Variants in GRID2IP observed in about 807,000 individuals in gnomAD.
The protein encoded by GRID2IP is Grid2 interacting protein, also known as delphilin.
In GRID2IP, 78 loss-of-function variants were observed where a neutral mutation model predicts 114.3. That is an observed-to-expected ratio of 0.68 (90% CI 0.57 to 0.82). GRID2IP has a LOEUF of 0.82. Ranked by LOEUF, GRID2IP falls within the 40% of genes least tolerant of loss-of-function variation. GRID2IP has a pLI of 0.00. For synonymous variants in GRID2IP, 809 were observed against 724.0 expected (o/e 1.12, Z -1.89); for missense variants, 1,727 against 1,678.5 (o/e 1.03, Z -0.51).
At chr7:6,539,327 A>G (rs1299038493) in intron 2 of GRID2IP, among the ~76,000 whole-genome samples, 1 of 151,930 alleles carries the variant, frequency 6.6e-6, no homozygotes, top group Non-Finnish European at 1.5e-5. Context: ...GGGTCTTTCT[A>G]TGTTGCGTGG....
rs995948351 is a variant in GRID2IP, at chr7:6,497,702, C to T, written c.*72G>A. On this transcript the variant is annotated 3_prime_UTR_variant, in exon 22 of 22. Coordinates refer to ENST00000457091, the MANE Select transcript of GRID2IP (RefSeq NM_001145118.2). ...CCCGGGGCACAGTGGCCCCGGACCT[C>T]GGCAGTGTCTGGGCTGCCCTCTCGG... 13 of 1,173,576 alleles carry T rather than the reference C, an allele frequency of 1.1e-5. No homozygotes were observed. The highest frequency in any genetic ancestry group is 2.8e-5 in the South Asian group (2 of 70,464). 72.7% of individuals were successfully genotyped at this position (1,173,576 alleles called of 1,614,324 possible).
chr7:6,542,306 C>A lies in GRID2IP; in HGVS notation c.430-2434G>T, dbSNP rs200317445. Among the ~76,000 whole-genome samples, 321 of 95,048 alleles carry A rather than the reference C, an allele frequency of 3.4e-3. 2 individuals are homozygous for A. The East Asian group carries it at 0.046, about 14-fold the overall frequency. The allele number at this position is 95,048 out of a possible 152,430, so 62.4% of individuals were successfully genotyped here. On this transcript the variant is annotated intron_variant, in intron 1 of 21. Transcript: ENST00000457091. ...GGCAACAAGAGCAAAAACTCCATCT[C>A]AAAAAAAAAAAAAAAAAAAAGAAAA...
intron 2 of GRID2IP, among the ~76,000 whole-genome samples, chr7:6,533,368 T>G (rs997600440): frequency 6.6e-6 from 1 of 152,108 alleles, no homozygotes; most frequent in Admixed American, 6.6e-5. Context: ...TCTCTCTTAT[T>G]TATTTTTAGA....
intron 2 of GRID2IP, chr7:6,530,967 T>C: frequency 1.8e-6 from 1 of 552,586 alleles, no homozygotes; most frequent in Non-Finnish European, 3.2e-6. Flanking sequence ...GGGAAGCCCC[T>C]CCACGCTCCA....
At position 6,520,901 on chromosome 7, in the gene GRID2IP, G is replaced by A; in HGVS notation, c.1085-140C>T. The A allele has an allele frequency of 1.3e-6, 1 of 790,638 alleles. No individual in the cohort carries two copies. Among genetic ancestry groups the A allele is most frequent in the Non-Finnish European group, 2.0e-6 (1 of 504,594 alleles). The allele number at this position is 790,638 out of a possible 1,614,324, so 49.0% of individuals were successfully genotyped here. A position where few individuals can be genotyped will look rare whatever the true frequency, so the allele number is the denominator to read the frequency against. Reference sequence around the variant, plus strand: ...GCCATGCATGGGAAGGCATGCCTGTGGCCCGACACCGGGGCCAAGGATAGA... The same window carrying A: ...GCCATGCATGGGAAGGCATGCCTGTAGCCCGACACCGGGGCCAAGGATAGA... On this transcript the variant is annotated intron_variant, in intron 6 of 21. Transcript: ENST00000457091. The surrounding 1 kb of genome is among the most constrained non-coding windows in gnomAD (Gnocchi z 4.6).
chr7:6,514,951 C>CAAAA (rs537586098), intron 7 of GRID2IP, among the ~76,000 whole-genome samples: 1 of 76,142 alleles, frequency 1.3e-5, no homozygotes, highest in African/African-American at 4.7e-5. Flanking sequence ...GACTCCAACT[C>CAAAA]AAAAAAAAAA....
Position 6,529,101 on chromosome 7 carries a change from C to T in GRID2IP, c.585-2332G>A, listed in dbSNP as rs575600922. Among the ~76,000 whole-genome samples the T allele has an allele frequency of 1.6e-4, 25 of 152,244 alleles. No individual in the cohort carries two copies. In the South Asian group the frequency reaches 3.7e-3, roughly 23 times the overall value. The stretch of plus-strand genomic sequence containing the variant: ...ACCCCATGCACCCAACCCTTGAGTC[C>T]AACCTGGGCAGGGGTCAAGAGGACA... On this transcript the variant is annotated intron_variant, in intron 2 of 21. Coordinates refer to ENST00000457091, the MANE Select transcript of GRID2IP (RefSeq NM_001145118.2).
chr7:6,500,316 T>C (rs1479757722), intron 20 of GRID2IP, among the ~76,000 whole-genome samples: 2 of 151,884 alleles, frequency 1.3e-5, no homozygotes, highest in Admixed American at 1.3e-4. Context: ...TACAAAAAAT[T>C]AGCCGGTTGT....
chr7:6,516,486 T>C lies in GRID2IP; in HGVS notation c.1269-1957A>G, dbSNP rs1424736632. On this transcript the variant is annotated intron_variant, in intron 7 of 21. Coordinates refer to ENST00000457091, the MANE Select transcript of GRID2IP (RefSeq NM_001145118.2). This position sits in a 1 kb window ranked among gnomAD's most constrained non-coding sequence, Gnocchi z 4.3. The stretch of plus-strand genomic sequence containing the variant: ...AAAGACAAGAGTGTGAGCCCTCCGT[T>C]ATGCCTGGACAGGGCCACTAGAGGG... Among the ~76,000 whole-genome samples, 1 of 152,128 alleles carries C rather than the reference T, an allele frequency of 6.6e-6. No homozygotes were observed. The highest frequency in any genetic ancestry group is 1.5e-5 in the Non-Finnish European group (1 of 68,036).
At chr7:6,502,533 ACT>A (rs1456347248) in intron 18 of GRID2IP, among the ~76,000 whole-genome samples, 8 of 151,478 alleles carry the variant, frequency 5.3e-5, no homozygotes, top group Admixed American at 1.3e-4. Flanking sequence ...AGCCTTTGAC[ACT>A]CTCTTTCCAA....
At position 6,497,821 on chromosome 7, in the gene GRID2IP, C is replaced by T. The variant is rs560310919; in HGVS notation, c.3589G>A (p.Gly1197Arg). ...FERALSDLQA[G>R]EGLRSSGMVS... ...ATCCCGGAGCTGCGCAGGCCCTCCC[C>T]GGCCTGCAGGTCACTCAGCGCTCGC... is the stretch of plus-strand genomic sequence containing the variant. Residue 1197 changes from glycine to arginine, a missense_variant, in exon 22 of 22, where the codon GGG becomes AGG. Physicochemically the swap from Gly to Arg is moderately radical, Grantham distance 125 (BLOSUM62 -2). Transcript: ENST00000457091. The T allele has an allele frequency of 9.7e-5, 151 of 1,550,182 alleles. No homozygotes were observed. The African/African-American group carries it at 1.4e-3, about 14-fold the overall frequency.
chr7:6,527,787 C>T (rs1779543995), intron 2 of GRID2IP, among the ~76,000 whole-genome samples: 1 of 147,516 alleles, frequency 6.8e-6, no homozygotes, highest in South Asian at 2.1e-4. Flanking sequence ...CAGACAGAGT[C>T]TTGCTCTGTC....
intron 1 of GRID2IP, among the ~76,000 whole-genome samples, chr7:6,542,122 T>A (rs367991374): frequency 1.4e-4 from 21 of 151,570 alleles, no homozygotes; most frequent in Non-Finnish European, 8.8e-5. Context: ...GCCAACATGG[T>A]GAAACCCCGT....
chr7:6,551,425 A>AAG lies in GRID2IP; in HGVS notation c.11_12insCT (p.Ala5LeufsTer18). ...AGCCCTGGTTCGTGGCCGGCGTGGC[A>AAG]GTGGTGGCCATGCACCTAGAACTGG... On this transcript the variant is annotated frameshift_variant, in exon 1 of 22. Transcript: ENST00000457091. LOFTEE classifies it high-confidence loss of function. The AAG allele has an allele frequency of 6.5e-7, 1 of 1,543,790 alleles. No individual in the cohort carries two copies. The highest frequency in any genetic ancestry group is 8.7e-7 in the Non-Finnish European group (1 of 1,143,710).
At chr7:6,543,917 C>G (rs548442229) in intron 1 of GRID2IP, among the ~76,000 whole-genome samples, 1 of 152,084 alleles carries the variant, frequency 6.6e-6, no homozygotes, top group Non-Finnish European at 1.5e-5. Context: ...CTGACTCAGC[C>G]TCCCAAGTAG....
rs553785145 is a variant in GRID2IP at position 6,498,181 on chromosome 7, C to T, written c.3447G>A (p.Leu1149=). ...CCAGCTCCTCCATGGCCTCGCGCTG[C>T]AGCCCGTCGAGCGCCCGAAGTGCTG... is the stretch of plus-strand genomic sequence containing the variant. ...AQPALRALDG[L]QREAMEELGK... Residue 1149 remains leucine (L), a synonymous_variant, in exon 21 of 22, where the codon CTG becomes CTA. Transcript: ENST00000457091. 1.9e-6 allele frequency: 3 copies of T among 1,550,470 alleles called. No homozygotes were observed. In the South Asian group the frequency reaches 3.6e-5, roughly 18 times the overall value.
chr7:6,503,872 G>C (rs1449739405), intron 15 of GRID2IP, among the ~76,000 whole-genome samples, 185 bp from the exon 16 acceptor site: 2 of 151,670 alleles, frequency 1.3e-5, no homozygotes, highest in African/African-American at 2.4e-5. Context: ...AGCTGAGGCG[G>C]CTCCCGAATG....
At chr7:6,544,944 G>A (rs2115101352) in intron 1 of GRID2IP, among the ~76,000 whole-genome samples, 1 of 152,190 alleles carries the variant, frequency 6.6e-6, no homozygotes, top group East Asian at 1.9e-4. Flanking sequence ...TTAGCCAGGT[G>A]GGCGTGATGG....
chr7:6,545,617 C>T (rs1779876772), intron 1 of GRID2IP, among the ~76,000 whole-genome samples: 1 of 152,202 alleles, frequency 6.6e-6, no homozygotes, highest in African/African-American at 2.4e-5. Context: ...TGAATCCTAG[C>T]ACAGATGCAC....
Sources: gnomAD v4.1 joint callset for allele counts (sites outside exome capture counted in the v4.1 genomes callset) on GRCh38, gnomAD v4.1.1 for gene constraint, Gnocchi (gnomAD v3.1) non-coding constraint, MANE v1.5 for transcripts, NCBI Gene and HGNC (gene_info 2026-07-23, HGNC 2026-07-21) for gene names.